The following IGF2BP3 variants were observed in gnomAD, a reference collection of about 807,000 sequenced individuals.
IGF2BP3 encodes insulin like growth factor 2 mRNA binding protein 3.
Under a neutral mutation model 73.8 loss-of-function variants are expected in IGF2BP3, and 9 were observed. The observed-to-expected ratio is 0.12, with a 90% CI of 0.07 to 0.21. IGF2BP3 has a LOEUF of 0.21. Ranked by LOEUF, IGF2BP3 falls within the 10% of genes least tolerant of loss-of-function variation. IGF2BP3 has a pLI of 1.00. For synonymous variants in IGF2BP3, 258 were observed against 256.7 expected, an observed-to-expected ratio of 1.01 and a Z score of -0.05; for missense variants, 542 against 714.0, an observed-to-expected ratio of 0.76 and a Z score of 2.75.
At chr7:23,393,227 T>C (rs1403425811) in intron 3 of IGF2BP3, among the ~76,000 whole-genome samples, 1 of 152,190 alleles carries the variant, frequency 6.6e-6, no homozygotes, top group Non-Finnish European at 1.5e-5. Flanking sequence ...GAATGGTCCT[T>C]CATGCTAGTA....
chr7:23,463,049 T>G (rs1788486705), intron 2 of IGF2BP3, among the ~76,000 whole-genome samples: 1 of 152,342 alleles, frequency 6.6e-6, no homozygotes, highest in East Asian at 1.9e-4. Context: ...CTTATGACTC[T>G]GGAAGCTTGA....
At chr7:23,348,803 G>A (rs1784893370) in intron 6 of IGF2BP3, among the ~76,000 whole-genome samples, 1 of 152,200 alleles carries the variant, frequency 6.6e-6, no homozygotes, top group African/African-American at 2.4e-5. Flanking sequence ...ACTGGCATGG[G>A]AAAGTTCCGT....
intron 2 of IGF2BP3, among the ~76,000 whole-genome samples, chr7:23,437,518 AAAT>A (rs1787834074): frequency 1.5e-5 from 2 of 134,406 alleles, no homozygotes; most frequent in African/African-American, 5.6e-5. Context: ...ATAAATAAAT[AAAT>A]AAAACAATCT....
In IGF2BP3 at chr7:23,389,954, C is replaced by G. The variant is rs115371125; in HGVS notation, c.286-28213G>C. Among the ~76,000 whole-genome samples the G allele has an allele frequency of 4.1e-3, 627 of 152,176 alleles. 10 individuals carry two copies. The highest frequency in any genetic ancestry group is 0.014 in the African/African-American group (593 of 41,504). On this transcript the variant is annotated intron_variant, in intron 3 of 14. Transcript: ENST00000258729. ...CTGAGCCAGTACACTCCAGCCTGGGCAACAGAGTGAGACCCTGTCTCTAAA... is the reference window on the plus strand; with the variant it reads ...CTGAGCCAGTACACTCCAGCCTGGGGAACAGAGTGAGACCCTGTCTCTAAA...
At chr7:23,352,935 C>T (rs985460012) in intron 5 of IGF2BP3, among the ~76,000 whole-genome samples, 8 of 151,774 alleles carry the variant, frequency 5.3e-5, no homozygotes, top group African/African-American at 1.7e-4. Flanking sequence ...GTTTGTTTTG[C>T]TTTGTTTTGT....
At chr7:23,410,471 G>A (rs1422796787) in intron 3 of IGF2BP3, among the ~76,000 whole-genome samples, 1 of 152,152 alleles carries the variant, frequency 6.6e-6, no homozygotes, top group South Asian at 2.1e-4. Flanking sequence ...GGTAAACATG[G>A]AGGGAGCAGG....
At position 23,427,790 on chromosome 7, in the gene IGF2BP3, G is replaced by A. The variant is rs1286026376; in HGVS notation, c.237-8966C>T. On this transcript the variant is annotated intron_variant, in intron 2 of 14. Coordinates refer to ENST00000258729, the MANE Select transcript of IGF2BP3 (RefSeq NM_006547.3). ...CAGGAGGCTGAGGAGGGTGGCTCAC[G>A]AGGTCAGGAGTTCAAGACCAGCCTG... 3.3e-5 allele frequency among the ~76,000 whole-genome samples: 5 copies of A among 152,116 alleles called. No homozygotes were observed. In the East Asian group the frequency reaches 7.8e-4, roughly 24 times the overall value.
intron 3 of IGF2BP3, among the ~76,000 whole-genome samples, chr7:23,393,822 A>G (rs373050699): frequency 3.9e-5 from 6 of 152,282 alleles, no homozygotes; most frequent in African/African-American, 1.4e-4. Flanking sequence ...GGCCTAATCT[A>G]GGATCAGTGA....
intron 2 of IGF2BP3, among the ~76,000 whole-genome samples, chr7:23,431,724 TCAC>T (rs915097981): frequency 4.6e-5 from 7 of 152,058 alleles, no homozygotes; most frequent in African/African-American, 1.7e-4. Flanking sequence ...TATGTTAGAA[TCAC>T]CACAAGGGAC....
intron 5 of IGF2BP3, among the ~76,000 whole-genome samples, chr7:23,359,104 C>A (rs1785163299): frequency 6.6e-6 from 1 of 152,192 alleles, no homozygotes; most frequent in Non-Finnish European, 1.5e-5. Context: ...TCCTTGGGAT[C>A]AACAGAAGCC....
At position 23,317,650 on chromosome 7, in the gene IGF2BP3, C is replaced by T. The variant is rs1394469176; in HGVS notation, c.1384G>A (p.Ala462Thr). Residue 462 changes from alanine to threonine, a missense_variant, in exon 12 of 15, where the codon GCT becomes ACT. Ala to Thr is a moderately conservative substitution (Grantham distance 58). Around this residue, in one of 2 missense-constraint regions of IGF2BP3, gnomAD observed 303 missense variants for 472.1 expected, o/e 0.64. Coordinates refer to ENST00000258729, the MANE Select transcript of IGF2BP3 (RefSeq NM_006547.3). Reference protein sequence around the residue: ...RMVIITGPPEAQFKAQGRIYG... With the variant: ...RMVIITGPPETQFKAQGRIYG... ...TCTAGAGCACATACCTTGAACTGAG[C>T]CTCTGGTGGTCCAGTGATAATCACC... The T allele has an allele frequency of 6.2e-7, 1 of 1,613,910 alleles. No individual in the cohort carries two copies. The highest frequency in any genetic ancestry group is 8.5e-7 in the Non-Finnish European group (1 of 1,179,804).
At chr7:23,383,444 C>T (rs1313048308) in intron 3 of IGF2BP3, among the ~76,000 whole-genome samples, 1 of 152,224 alleles carries the variant, frequency 6.6e-6, no homozygotes, top group African/African-American at 2.4e-5. Context: ...TACCACTTTA[C>T]ACCCAGTAGG....
intron 3 of IGF2BP3, chr7:23,413,817 C>T (rs1367015061): frequency 1.3e-5 from 2 of 152,142 alleles, no homozygotes; most frequent in African/African-American, 4.8e-5. Flanking sequence ...TCCCTTATTT[C>T]TTTGCTATAT....
intron 3 of IGF2BP3, among the ~76,000 whole-genome samples, chr7:23,374,278 C>T (rs1194370952): frequency 3.3e-5 from 5 of 152,166 alleles, no homozygotes; most frequent in East Asian, 1.9e-4. Context: ...TACATATAAA[C>T]AGTCATCCCT....
At chr7:23,415,519 G>A (rs1014235249) in intron 3 of IGF2BP3, 20 of 226,786 alleles carry the variant, frequency 8.8e-5, no homozygotes, top group Admixed American at 5.3e-4. Flanking sequence ...CACTGCATCC[G>A]CAGGTCCCGT....
At chr7:23,424,813 T>C (rs189868954) in intron 2 of IGF2BP3, among the ~76,000 whole-genome samples, 88 of 152,362 alleles carry the variant, frequency 5.8e-4, no homozygotes, top group African/African-American at 2.0e-3. Flanking sequence ...ATCTTCAAGA[T>C]GTTTAGTAAT....
chr7:23,320,970 G>GAA (rs1784127423), intron 10 of IGF2BP3, among the ~76,000 whole-genome samples: 1 of 111,052 alleles, frequency 9.0e-6, no homozygotes, highest in African/African-American at 3.4e-5. Context: ...AAAAAAAAAA[G>GAA]AAAAAACAAA....
At chr7:23,341,502 C>G (rs1318247502) in intron 10 of IGF2BP3, among the ~76,000 whole-genome samples, 1 of 152,092 alleles carries the variant, frequency 6.6e-6, no homozygotes, top group South Asian at 2.1e-4. Flanking sequence ...CCTGTCTCTA[C>G]TAAAAATACA....
intron 3 of IGF2BP3, among the ~76,000 whole-genome samples, chr7:23,372,435 G>GT (rs1785582518): frequency 6.6e-6 from 1 of 152,084 alleles, no homozygotes; most frequent in Non-Finnish European, 1.5e-5. Context: ...CCCAGGTAGT[G>GT]TATACTGTAC....
Sources: gnomAD v4.1 joint callset for allele counts (sites outside exome capture counted in the v4.1 genomes callset) on GRCh38, gnomAD v4.1.1 for gene constraint, gnomAD v4.1.1 regional missense constraint, MANE v1.5 for transcripts, NCBI Gene and HGNC (gene_info 2026-07-23, HGNC 2026-07-21) for gene names.